NECTIN3: variants seen among roughly 807,000 people sequenced by gnomAD.
NECTIN3 encodes nectin cell adhesion molecule 3.
NECTIN3 carries 8 observed loss-of-function variants against 49.4 expected under a neutral mutation model. The observed-to-expected ratio is 0.16, with a 90% confidence interval of 0.10 to 0.29. NECTIN3 has a LOEUF of 0.29. Among genes scored for constraint, NECTIN3 ranks in the 10% least tolerant of loss-of-function variants. NECTIN3 has a pLI of 1.00. For synonymous variants in NECTIN3, 277 were observed against 241.1 expected, an observed-to-expected ratio of 1.15 and a Z score of -1.38; for missense variants, 581 against 654.6, an observed-to-expected ratio of 0.89 and a Z score of 1.23.
At chr3:111,132,594 C>T (rs1408246345) in intron 5 of NECTIN3, among the ~76,000 whole-genome samples, 1 of 151,898 alleles carries the variant, frequency 6.6e-6, no homozygotes, top group Non-Finnish European at 1.5e-5. Context: ...ATAAATACTA[C>T]TTAATTGATA....
chr3:111,146,316 C>T (rs1292173670), intron 6 of NECTIN3, among the ~76,000 whole-genome samples: 2 of 150,548 alleles, frequency 1.3e-5, no homozygotes, highest in Non-Finnish European at 3.0e-5. Flanking sequence ...CGCCTGTAGT[C>T]CCAGCTACTT....
At chr3:111,092,588 T>C (rs1443289825) in intron 1 of NECTIN3, among the ~76,000 whole-genome samples, 1 of 151,258 alleles carries the variant, frequency 6.6e-6, no homozygotes, top group Non-Finnish European at 1.5e-5. Context: ...GTACTCTTGT[T>C]GAAAATAAAT....
At chr3:111,126,772 C>G (rs751746910) in intron 5 of NECTIN3, among the ~76,000 whole-genome samples, 10 of 151,924 alleles carry the variant, frequency 6.6e-5, no homozygotes, top group Non-Finnish European at 1.3e-4. Flanking sequence ...GCGTTGTTTC[C>G]CACTTAATAT....
At chr3:111,175,390 TTC>T (rs1339929563) in intron 7 of NECTIN3, among the ~76,000 whole-genome samples, 2 of 151,650 alleles carry the variant, frequency 1.3e-5, no homozygotes, top group African/African-American at 4.8e-5. Context: ...ACCCAGTGTC[TTC>T]TGTTTGTATC....
At chr3:111,083,796 A>G (rs1321725498) in intron 1 of NECTIN3, among the ~76,000 whole-genome samples, 3 of 152,282 alleles carry the variant, frequency 2.0e-5, no homozygotes, top group South Asian at 4.1e-4. Context: ...CATAGCTAAG[A>G]TACTATATTG....
At chr3:111,110,487 G>T (rs148911806) in intron 1 of NECTIN3, among the ~76,000 whole-genome samples, 86 of 151,992 alleles carry the variant, frequency 5.7e-4, no homozygotes, top group African/African-American at 2.1e-3. Flanking sequence ...GTCCTACTTG[G>T]CTGTGTAGTT....
chr3:111,077,116 G>T, intron 1 of NECTIN3: 2 of 324,228 alleles, frequency 6.2e-6, no homozygotes, highest in South Asian at 5.7e-5. Flanking sequence ...TAGCCATATC[G>T]CAGGTATTAT....
chr3:111,144,795 A>T (rs1399469257), intron 5 of NECTIN3: 13 of 1,303,764 alleles, frequency 1.0e-5, no homozygotes, highest in Non-Finnish European at 1.0e-6. Flanking sequence ...TGGCTCTTGG[A>T]TAACATACTT....
intron 1 of NECTIN3, among the ~76,000 whole-genome samples, chr3:111,097,739 C>T (rs1468635114): frequency 6.6e-6 from 1 of 152,160 alleles, no homozygotes; most frequent in Non-Finnish European, 1.5e-5. Context: ...GCCTTCCTCC[C>T]TGATTGTGAG....
At chr3:111,175,071 G>T (rs2035502690) in intron 7 of NECTIN3, among the ~76,000 whole-genome samples, 2 of 151,976 alleles carry the variant, frequency 1.3e-5, no homozygotes, top group Admixed American at 1.3e-4. Flanking sequence ...TTCCCCTGGA[G>T]CCTGGCCATC....
intron 5 of NECTIN3, among the ~76,000 whole-genome samples, chr3:111,143,877 A>G (rs554125215): frequency 2.0e-5 from 3 of 152,140 alleles, no homozygotes; most frequent in East Asian, 1.9e-4. Context: ...CAGAGCTGCA[A>G]TATCTTTATT....
chr3:111,093,551 C>A (rs1323942744), intron 1 of NECTIN3, among the ~76,000 whole-genome samples: 1 of 151,984 alleles, frequency 6.6e-6, no homozygotes, highest in Non-Finnish European at 1.5e-5. Context: ...TCTCCTACCC[C>A]AGCCTCCTGA....
chr3:111,144,941 C>A (rs911482625), exon 6 of NECTIN3: 4 of 1,536,050 alleles, frequency 2.6e-6, no homozygotes, highest in African/African-American at 1.4e-5. Context: ...GTAGCTGGAG[C>A]GGTAATTGGA....
chr3:111,157,504 T>C (rs112006518), intron 7 of NECTIN3, among the ~76,000 whole-genome samples: 2 of 152,246 alleles, frequency 1.3e-5, no homozygotes, highest in African/African-American at 4.8e-5. Flanking sequence ...TGATTTCTTA[T>C]TGTTCCATTG....
chr3:111,145,796 T>A (rs193087503), intron 6 of NECTIN3, among the ~76,000 whole-genome samples: 1 of 152,240 alleles, frequency 6.6e-6, no homozygotes, highest in Non-Finnish European at 1.5e-5. Flanking sequence ...AATGTTTTTA[T>A]GTTGGGACAT....
intron 7 of NECTIN3, among the ~76,000 whole-genome samples, chr3:111,172,422 C>A (rs1450376612): frequency 2.0e-5 from 3 of 152,112 alleles, no homozygotes; most frequent in Non-Finnish European, 4.4e-5. Flanking sequence ...TCATTTCCAT[C>A]TACTTTTACA....
chr3:111,148,054 A>G (rs1487582873), intron 7 of NECTIN3, among the ~76,000 whole-genome samples: 1 of 152,118 alleles, frequency 6.6e-6, no homozygotes, highest in Non-Finnish European at 1.5e-5. Flanking sequence ...TTTGATTCTC[A>G]AGTTTAGTGG....
intron 3 of NECTIN3, among the ~76,000 whole-genome samples, chr3:111,120,493 G>A (rs1049462410): frequency 1.3e-5 from 2 of 151,954 alleles, no homozygotes; most frequent in Non-Finnish European, 2.9e-5. Context: ...CAGGTATCTG[G>A]ACTGTTCTTT....
rs59239398 is a variant in NECTIN3, at chr3:111,169,375, CTT to C, written c.1221+21912_1221+21913del. On this transcript the variant is annotated intron_variant, in intron 7 of 8. Coordinates refer to the NECTIN3 transcript ENST00000493615. ...AAAGTGCTGGGATTACAAACGCAAA[CTT>C]TTTTTTTTTTTTTTTTTTTTAAGAG... 8.3e-3 allele frequency among the ~76,000 whole-genome samples: 945 copies of C among 114,536 alleles called. 3 individuals are homozygous for C. Among genetic ancestry groups the C allele is most frequent in the African/African-American group, 0.015 (465 of 31,564 alleles). 75.1% of individuals were successfully genotyped at this position (114,536 alleles called of 152,430 possible).
Sources: gnomAD v4.1 joint callset for allele counts (sites outside exome capture counted in the v4.1 genomes callset) on GRCh38, gnomAD v4.1.1 for gene constraint, MANE v1.5 for transcripts, NCBI Gene and HGNC (gene_info 2026-07-23, HGNC 2026-07-21) for gene names.